Variants in XIRP2 observed in about 807,000 individuals in gnomAD.
The protein encoded by XIRP2 is xin actin-binding repeat-containing protein 2.
In XIRP2, 236 loss-of-function variants were observed where a neutral mutation model predicts 277.0. That is an observed-to-expected ratio of 0.85 (90% CI 0.77 to 0.95). The LOEUF is 0.95. Among genes scored for constraint, XIRP2 ranks in the 40% least tolerant of loss-of-function variants. The pLI is 0.00. For missense variants in XIRP2, 4,640 were observed against 4,157.5 expected, an observed-to-expected ratio of 1.12 and a Z score of -3.19; for synonymous variants, 1,490 against 1,416.5, an observed-to-expected ratio of 1.05 and a Z score of -1.17.
At chr2:166,939,530 A>G (rs1040621763) in intron 2 of XIRP2, among the ~76,000 whole-genome samples, 6 of 151,674 alleles carry the variant, frequency 4.0e-5, no homozygotes, top group Non-Finnish European at 7.4e-5. Flanking sequence ...AATACAAAAA[A>G]TTAGCTGGGC....
At chr2:167,209,615 T>C (rs1485699619) in intron 3 of XIRP2, among the ~76,000 whole-genome samples, 1 of 152,014 alleles carries the variant, frequency 6.6e-6, no homozygotes, top group Non-Finnish European at 1.5e-5. Context: ...GTGATGCATA[T>C]ACATAAACTC....
chr2:166,908,843 A>G (rs942840876), intron 2 of XIRP2, among the ~76,000 whole-genome samples: 2 of 152,126 alleles, frequency 1.3e-5, no homozygotes, highest in African/African-American at 4.8e-5. Context: ...ATGACTGGCT[A>G]GTTTTCCTAG....
At position 167,258,286 on chromosome 2, in the gene XIRP2, G is replaced by A. The variant is rs747917850; in HGVS notation, c.*469G>A. On this transcript the variant is annotated 3_prime_UTR_variant, in exon 11 of 11. Coordinates refer to ENST00000409195, the MANE Select transcript of XIRP2 (RefSeq NM_152381.6). ...CCCCTGAATTTAAAAGTGAATCTCT[G>A]CTAGAAGATGTTAGAACTCCAGAAA... The A allele has an allele frequency of 2.5e-6, 4 of 1,613,370 alleles. No individual in the cohort carries two copies. Among genetic ancestry groups the A allele is most frequent in the Non-Finnish European group, 3.4e-6 (4 of 1,179,656 alleles).
chr2:167,129,183 C>T (rs7607013), intron 2 of XIRP2, among the ~76,000 whole-genome samples: 152,309 of 152,318 alleles, frequency 1, 76,150 homozygotes, highest in Non-Finnish European at 1. Context: ...TTTATTTTTG[C>T]TCTTCTCTTT....
At chr2:166,901,211 T>C (rs563431406) in intron 1 of XIRP2, among the ~76,000 whole-genome samples, 1 of 152,236 alleles carries the variant, frequency 6.6e-6, no homozygotes, top group African/African-American at 2.4e-5. Flanking sequence ...CCTCTAGGAC[T>C]TTCTGAGTTA....
At chr2:166,948,377 A>T (rs1003453434) in intron 2 of XIRP2, among the ~76,000 whole-genome samples, 23 of 151,846 alleles carry the variant, frequency 1.5e-4, no homozygotes, top group African/African-American at 5.3e-4. Context: ...ACTTCTCTCT[A>T]AAAAAAATCT....
chr2:167,248,718 C>A lies in XIRP2; in HGVS notation c.7326C>A (p.Pro2442=), dbSNP rs1044708728. 21 of 1,613,550 alleles carry A rather than the reference C, an allele frequency of 1.3e-5. No homozygotes were observed. Among genetic ancestry groups the A allele is most frequent in the Non-Finnish European group, 1.8e-5 (21 of 1,179,788 alleles). The change falls in exon 9 of 11, where the codon CCC becomes CCA. Residue 2442 remains proline, a synonymous_variant. Transcript: ENST00000409195. ...AAGATAATAAGAACGATTTTTCCCC[C>A]AAAGTTGAACTGGCAACCTCCCTGT... The part of the protein sequence containing the change: ...HIKDNKNDFS[P]KVELATSLSD...
intron 2 of XIRP2, among the ~76,000 whole-genome samples, chr2:167,099,033 A>G (rs1690412901): frequency 1.3e-5 from 2 of 152,266 alleles, no homozygotes; most frequent in East Asian, 1.9e-4. Flanking sequence ...CTAAAGCACT[A>G]TGCTGGGAGA....
At chr2:167,226,872 T>A (rs1196406259) in intron 5 of XIRP2, among the ~76,000 whole-genome samples, 3 of 152,138 alleles carry the variant, frequency 2.0e-5, no homozygotes, top group Non-Finnish European at 4.4e-5. Flanking sequence ...TGGAATCAAA[T>A]CATCCTCCTT....
At chr2:167,137,064 A>G (rs1329097333) in intron 3 of XIRP2, among the ~76,000 whole-genome samples, 1 of 152,206 alleles carries the variant, frequency 6.6e-6, no homozygotes, top group African/African-American at 2.4e-5. Flanking sequence ...CAAATGATTC[A>G]TGTGCACATT....
At chr2:167,095,851 CTTTTTTTTTTTTTTTTTTTTTT>C (rs60405920) in intron 2 of XIRP2, among the ~76,000 whole-genome samples, 12 of 47,304 alleles carry the variant, frequency 2.5e-4, no homozygotes, top group South Asian at 1.5e-3. Context: ...AGGCGTCACT[CTTTTTTTTTTTTTTTTTTTTTT>C]TTTTTTTTTT....
At chr2:167,172,777 A>G (rs572343412) in intron 3 of XIRP2, among the ~76,000 whole-genome samples, 76 of 152,278 alleles carry the variant, frequency 5.0e-4, no homozygotes, top group Middle Eastern at 6.8e-3. Flanking sequence ...TTGTTTAAAC[A>G]ATTTGTGCAG....
intron 2 of XIRP2, among the ~76,000 whole-genome samples, chr2:167,072,641 T>C (rs774826644): frequency 2.8e-4 from 43 of 152,150 alleles, no homozygotes; most frequent in Non-Finnish European, 5.4e-4. Context: ...AACTCTATGT[T>C]CTCTCAAATC....
At chr2:167,160,712 G>C (rs375280765) in intron 3 of XIRP2, among the ~76,000 whole-genome samples, 1 of 152,058 alleles carries the variant, frequency 6.6e-6, no homozygotes, top group Non-Finnish European at 1.5e-5. Context: ...TTGAGATTTG[G>C]TTGGGGACAC....
chr2:167,139,188 C>T (rs946352871), intron 3 of XIRP2, among the ~76,000 whole-genome samples: 2 of 151,314 alleles, frequency 1.3e-5, no homozygotes, highest in South Asian at 2.1e-4. Flanking sequence ...TACTGGAAGT[C>T]TTAGGTACTG....
At chr2:167,087,753 G>C (rs1690006041) in intron 2 of XIRP2, among the ~76,000 whole-genome samples, 1 of 151,662 alleles carries the variant, frequency 6.6e-6, no homozygotes, top group Admixed American at 6.6e-5. Context: ...GGAACTCCCT[G>C]ACCCCTTGCG....
intron 2 of XIRP2, among the ~76,000 whole-genome samples, chr2:166,904,489 C>T (rs907443721): frequency 3.9e-5 from 6 of 152,158 alleles, no homozygotes; most frequent in African/African-American, 1.4e-4. Context: ...AGGTGATGAT[C>T]ATTCCTCAGT....
intron 3 of XIRP2, among the ~76,000 whole-genome samples, chr2:167,138,861 T>C (rs1316570388): frequency 2.0e-5 from 3 of 151,102 alleles, no homozygotes; most frequent in Admixed American, 2.0e-4. Context: ...GGGTCAGGAG[T>C]TTGAGACCAG....
At chr2:167,016,422 C>A (rs78801169) in intron 2 of XIRP2, among the ~76,000 whole-genome samples, 1 of 151,854 alleles carries the variant, frequency 6.6e-6, no homozygotes, top group Non-Finnish European at 1.5e-5. Context: ...CTTCAGTCTC[C>A]TGAACAAAGA....
Sources: allele counts gnomAD v4.1 joint callset (sites outside exome capture counted in the v4.1 genomes callset), GRCh38; gene constraint gnomAD v4.1.1; transcripts MANE v1.5; gene names NCBI Gene and HGNC (gene_info 2026-07-23, HGNC 2026-07-21).